Variants in AGGF1 observed in about 807,000 individuals in gnomAD.
AGGF1 encodes angiogenic factor with G patch and FHA domains 1.
Under a neutral mutation model 86.5 loss-of-function variants are expected in AGGF1, and 56 were observed. The ratio of observed to expected loss-of-function variants is 0.65; its 90% CI spans 0.52 to 0.81. The LOEUF (loss-of-function observed/expected upper bound fraction) is 0.81. Among genes scored for constraint, AGGF1 ranks in the 30% least tolerant of loss-of-function variants. AGGF1 has a pLI of 0.00. For missense variants in AGGF1, 816 were observed against 850.9 expected, an observed-to-expected ratio of 0.96 and a Z score of 0.51; for synonymous variants, 313 against 297.1, an observed-to-expected ratio of 1.05 and a Z score of -0.55.
At chr5:77,051,141 A>G (rs979630396) in intron 8 of AGGF1, among the ~76,000 whole-genome samples, 1 of 152,136 alleles carries the variant, frequency 6.6e-6, no homozygotes, top group African/African-American at 2.4e-5. Flanking sequence ...ATAAATATTA[A>G]GAGTTTGGGG....
intron 8 of AGGF1, 63 bp from the exon 9 acceptor site, chr5:77,052,643 C>T (rs1407224988): frequency 2.9e-5 from 34 of 1,178,174 alleles, no homozygotes; most frequent in East Asian, 5.0e-5. Flanking sequence ...TCATATCATA[C>T]AGAAATTGTC....
chr5:77,042,902 C>T (rs1312402470), intron 5 of AGGF1, among the ~76,000 whole-genome samples: 6 of 47,812 alleles, frequency 1.3e-4, no homozygotes, highest in Non-Finnish European at 2.3e-4. Flanking sequence ...GCTGGCCGGG[C>T]GGGGGGCCGA....
At chr5:77,034,554 G>A in intron 2 of AGGF1, 34 bp downstream of exon 2, 1 of 1,331,040 alleles carries the variant, frequency 7.5e-7, no homozygotes, top group Non-Finnish European at 1.1e-6. Context: ...TGCTAACACT[G>A]TTACATTCAA....
chr5:77,052,950 G>T, intron 9 of AGGF1, 143 bp downstream of exon 9: 1 of 730,222 alleles, frequency 1.4e-6, no homozygotes. Flanking sequence ...TTCCAGAAAG[G>T]CTGAAAAAAG....
At chr5:77,059,532 A>G (rs1424213360) in intron 11 of AGGF1, 84 bp from the exon 12 acceptor site, 2 of 1,234,596 alleles carry the variant, frequency 1.6e-6, no homozygotes, top group African/African-American at 1.5e-5. Flanking sequence ...ACATTGAATC[A>G]TATTCGTTAA....
At chr5:77,051,291 G>A (rs890554071) in intron 8 of AGGF1, among the ~76,000 whole-genome samples, 5 of 152,046 alleles carry the variant, frequency 3.3e-5, no homozygotes, top group African/African-American at 9.7e-5. Flanking sequence ...AAATTAGCCA[G>A]GTGTGGTGGC....
At chr5:77,049,829 C>T (rs1403208851) in intron 8 of AGGF1, among the ~76,000 whole-genome samples, 1 of 152,128 alleles carries the variant, frequency 6.6e-6, no homozygotes, top group Non-Finnish European at 1.5e-5. Context: ...GGATTACAGG[C>T]GTGAGCCACC....
At chr5:77,051,819 T>A (rs189191937) in intron 8 of AGGF1, among the ~76,000 whole-genome samples, 6 of 152,320 alleles carry the variant, frequency 3.9e-5, no homozygotes, top group African/African-American at 1.4e-4. Context: ...TTCAGAAGGA[T>A]GGGTGGATAG....
rs1439456543 is a variant in AGGF1 at position 77,052,781 on chromosome 5, A to G, written c.1441A>G (p.Ile481Val). 2 of 1,613,596 alleles carry G rather than the reference A, an allele frequency of 1.2e-6. No individual in the cohort carries two copies. The highest frequency in any genetic ancestry group is 2.2e-5 in the South Asian group (2 of 91,066). Reference protein sequence around the residue: ...LVDQGSQNGTIVNGKQILQPK... With the variant: ...LVDQGSQNGTVVNGKQILQPK... The stretch of plus-strand genomic sequence containing the variant: ...GGATCAAGGCAGTCAAAATGGCACA[A>G]TTGTTAATGGAAAACAGATTCTTCA... The change falls in exon 9 of 14, where the codon ATT (isoleucine) becomes GTT (valine). Residue 481 changes from isoleucine to valine, a missense_variant. Ile to Val is a conservative substitution (Grantham distance 29). This residue lies in a region of AGGF1 where 565 missense variants were observed against 585.8 expected (regional missense o/e 0.96). Coordinates refer to ENST00000312916, the MANE Select transcript of AGGF1 (RefSeq NM_018046.5).
chr5:77,048,544 G>A (rs1231924867), intron 7 of AGGF1, among the ~76,000 whole-genome samples: 1 of 152,124 alleles, frequency 6.6e-6, no homozygotes, highest in Non-Finnish European at 1.5e-5. Flanking sequence ...TAGAGACGGG[G>A]GTTTCACCAT....
At chr5:77,044,017 G>A (rs1747196389) in intron 5 of AGGF1, among the ~76,000 whole-genome samples, 4 of 117,260 alleles carry the variant, frequency 3.4e-5, no homozygotes, top group Non-Finnish European at 5.4e-5. Context: ...CTTCCTAGAT[G>A]TGATGGCGGC....
intron 5 of AGGF1, 85 bp from the exon 6 acceptor site, chr5:77,046,262 C>A: frequency 8.7e-7 from 1 of 1,149,022 alleles, no homozygotes; most frequent in Non-Finnish European, 1.3e-6. Context: ...TTCACGAATT[C>A]GTTGAAACTT....
At chr5:77,031,056 C>A (rs1746840747) in intron 1 of AGGF1, 80 bp downstream of exon 1, 1 of 1,476,728 alleles carries the variant, frequency 6.8e-7, no homozygotes, top group South Asian at 1.1e-5. Context: ...GGAAGGGGTC[C>A]CTGGCAGGGG....
At chr5:77,040,050 C>T (rs1022302821) in intron 5 of AGGF1, among the ~76,000 whole-genome samples, 1 of 150,980 alleles carries the variant, frequency 6.6e-6, no homozygotes, top group African/African-American at 2.4e-5. Flanking sequence ...TATAGGTAGA[C>T]ATAGATACAG....
chr5:77,041,708 G>C (rs1029830388), intron 5 of AGGF1, among the ~76,000 whole-genome samples: 1 of 150,840 alleles, frequency 6.6e-6, no homozygotes, highest in African/African-American at 2.4e-5. Context: ...GTGATATTTT[G>C]GTCCAGCCTC....
At chr5:77,036,835 T>A in intron 4 of AGGF1, 115 bp downstream of exon 4, 1 of 1,131,474 alleles carries the variant, frequency 8.8e-7, no homozygotes, top group Admixed American at 1.9e-5. Context: ...CCCCCCAGGT[T>A]CAAGTGATTC....
At chr5:77,052,860 T>G in intron 9 of AGGF1, 53 bp downstream of exon 9, 1 of 1,428,692 alleles carries the variant, frequency 7.0e-7, no homozygotes, top group South Asian at 1.2e-5. Context: ...AAACTGATTT[T>G]TTTTTATTTC....
chr5:77,031,004 C>A, intron 1 of AGGF1, 28 bp downstream of exon 1: 2 of 1,609,848 alleles, frequency 1.2e-6, no homozygotes, highest in Non-Finnish European at 1.7e-6. Flanking sequence ...GCCCCGCGCC[C>A]CATCCAGCCC....
chr5:77,030,634 G>A lies in AGGF1; in HGVS notation c.-133G>A. 9.8e-7 allele frequency: 1 copy of A among 1,020,526 alleles called. No homozygotes were observed. Among genetic ancestry groups the A allele is most frequent in the Non-Finnish European group, 1.5e-6 (1 of 678,932 alleles). 63.2% of individuals were successfully genotyped at this position (1,020,526 alleles called of 1,614,324 possible). ...TGAGTTTCAGGGCGTCATGGCCAGG[G>A]GCCACCGCGGCCAGCCGGGTGTGAG... On this transcript the variant is annotated 5_prime_UTR_variant, in exon 1 of 14. Coordinates refer to ENST00000312916, the MANE Select transcript of AGGF1 (RefSeq NM_018046.5).
Sources: gnomAD v4.1 joint callset for allele counts (sites outside exome capture counted in the v4.1 genomes callset) on GRCh38, gnomAD v4.1.1 for gene constraint, gnomAD v4.1.1 regional missense constraint, MANE v1.5 for transcripts, NCBI Gene and HGNC (gene_info 2026-07-23, HGNC 2026-07-21) for gene names.